The following TMEM132D variants were observed in gnomAD, a reference collection of about 807,000 sequenced individuals.
TMEM132D encodes mature OL transmembrane protein.
Under a neutral mutation model 62.3 loss-of-function variants are expected in TMEM132D, and 21 were observed. The ratio of observed to expected loss-of-function variants is 0.34; its 90% CI spans 0.24 to 0.49. The LOEUF is 0.49. Among genes scored for constraint, TMEM132D ranks in the 20% least tolerant of loss-of-function variants. The pLI is 0.99. For missense variants in TMEM132D, 1,346 were observed against 1,402.8 expected (o/e 0.96, Z 0.65); for synonymous variants, 621 against 575.6 (o/e 1.08, Z -1.13).
intron 4 of TMEM132D, among the ~76,000 whole-genome samples, chr12:129,282,050 C>T (rs1432882238): frequency 1.3e-5 from 2 of 152,122 alleles, no homozygotes; most frequent in Non-Finnish European, 2.9e-5. Flanking sequence ...CCTAAGAATA[C>T]TCCCTCCATC....
intron 4 of TMEM132D, among the ~76,000 whole-genome samples, chr12:129,324,856 C>G (rs138497742): frequency 1.2e-3 from 190 of 152,288 alleles, no homozygotes; most frequent in African/African-American, 4.0e-3. Context: ...GTGATAACTA[C>G]TTTAATTTTT....
intron 1 of TMEM132D, among the ~76,000 whole-genome samples, chr12:129,829,327 C>CCTTCCT (rs766306122): frequency 6.6e-6 from 1 of 152,124 alleles, no homozygotes; most frequent in South Asian, 2.1e-4. Flanking sequence ...AGGGACATCT[C>CCTTCCT]CTTCCTCTTC....
chr12:129,402,343 C>T (rs533339701), intron 3 of TMEM132D, among the ~76,000 whole-genome samples: 53 of 152,274 alleles, frequency 3.5e-4, no homozygotes, highest in African/African-American at 9.4e-4. Flanking sequence ...TCTCACTCGA[C>T]GGCATTTTCA....
chr12:129,474,854 T>C (rs909193121), intron 3 of TMEM132D, among the ~76,000 whole-genome samples: 1 of 152,166 alleles, frequency 6.6e-6, no homozygotes, highest in Non-Finnish European at 1.5e-5. Context: ...GACAGCATAT[T>C]CTACTTTCTA....
chr12:129,643,370 G>A (rs1472503543), intron 2 of TMEM132D, among the ~76,000 whole-genome samples: 1 of 152,142 alleles, frequency 6.6e-6, no homozygotes, highest in Non-Finnish European at 1.5e-5. Flanking sequence ...CCCACCGCCT[G>A]CTTTGACGAA....
chr12:129,195,700 T>G (rs1202265387), intron 5 of TMEM132D, among the ~76,000 whole-genome samples: 1 of 152,212 alleles, frequency 6.6e-6, no homozygotes, highest in African/African-American at 2.4e-5. Flanking sequence ...TTGAAGTGAC[T>G]CTAATTGATT....
At chr12:129,169,259 T>A (rs138019080) in intron 5 of TMEM132D, among the ~76,000 whole-genome samples, 6 of 152,188 alleles carry the variant, frequency 3.9e-5, no homozygotes, top group African/African-American at 1.4e-4. Context: ...AGAAGAACCA[T>A]TGGAGCATTC....
chr12:129,114,916 A>C (rs1375862025), intron 5 of TMEM132D, among the ~76,000 whole-genome samples: 2 of 152,008 alleles, frequency 1.3e-5, no homozygotes, highest in Non-Finnish European at 2.9e-5. Flanking sequence ...TTATTTGTTC[A>C]TTTTGCTATT....
intron 2 of TMEM132D, among the ~76,000 whole-genome samples, chr12:129,618,033 A>G (rs1878969019): frequency 6.6e-6 from 1 of 152,144 alleles, no homozygotes; most frequent in Non-Finnish European, 1.5e-5. Flanking sequence ...CCAATCCGTG[A>G]AATGAAGAAA....
chr12:129,699,718 G>A, intron 2 of TMEM132D, 92 bp downstream of exon 2: 6 of 1,494,528 alleles, frequency 4.0e-6, no homozygotes, highest in Non-Finnish European at 5.5e-6. Context: ...CTACTTCGGT[G>A]AGCGATAACA....
chr12:129,712,942 C>G (rs1421021452), intron 1 of TMEM132D, among the ~76,000 whole-genome samples: 1 of 152,118 alleles, frequency 6.6e-6, no homozygotes. Flanking sequence ...GACCTTAGTG[C>G]CATCATGGGA....
intron 2 of TMEM132D, among the ~76,000 whole-genome samples, chr12:129,582,352 G>A (rs1300224391): frequency 6.6e-6 from 1 of 152,184 alleles, no homozygotes; most frequent in Non-Finnish European, 1.5e-5. Flanking sequence ...TTACTTCGGA[G>A]TGTGGTCCTG....
intron 5 of TMEM132D, among the ~76,000 whole-genome samples, chr12:129,200,706 G>C (rs1201850674): frequency 1.3e-5 from 2 of 152,222 alleles, no homozygotes. Flanking sequence ...AAAGAGAACT[G>C]CTGGGAGCCG....
intron 1 of TMEM132D, among the ~76,000 whole-genome samples, chr12:129,734,973 A>G (rs1869379160): frequency 6.6e-6 from 1 of 152,244 alleles, no homozygotes; most frequent in South Asian, 2.1e-4. Flanking sequence ...ATTCAATGTT[A>G]CTTCCCATAG....
intron 4 of TMEM132D, among the ~76,000 whole-genome samples, chr12:129,233,886 A>G (rs1321375904): frequency 1.3e-5 from 2 of 152,192 alleles, no homozygotes; most frequent in Non-Finnish European, 2.9e-5. Flanking sequence ...AGTAAAGTAT[A>G]TATTTTTTGA....
At chr12:129,847,399 A>G (rs1376575462) in intron 1 of TMEM132D, among the ~76,000 whole-genome samples, 2 of 152,236 alleles carry the variant, frequency 1.3e-5, no homozygotes, top group Non-Finnish European at 2.9e-5. Context: ...AAACACTGGA[A>G]TCACTCTGAG....
At chr12:129,162,069 T>C (rs1306846510) in intron 5 of TMEM132D, among the ~76,000 whole-genome samples, 1 of 152,198 alleles carries the variant, frequency 6.6e-6, no homozygotes, top group African/African-American at 2.4e-5. Flanking sequence ...TGGGCTGAAC[T>C]GTGTCCCCCC....
At chr12:129,164,847 A>G (rs545308695) in intron 5 of TMEM132D, among the ~76,000 whole-genome samples, 1 of 152,352 alleles carries the variant, frequency 6.6e-6, no homozygotes, top group Non-Finnish European at 1.5e-5. Flanking sequence ...TTGGGTGGGA[A>G]CACAAAGCCT....
intron 3 of TMEM132D, among the ~76,000 whole-genome samples, chr12:129,397,426 T>C (rs1871463442): frequency 6.6e-6 from 1 of 152,162 alleles, no homozygotes; most frequent in South Asian, 2.1e-4. Flanking sequence ...ATGTTATGCA[T>C]GTAAACTTTC....
Sources: gnomAD v4.1 joint callset for allele counts (sites outside exome capture counted in the v4.1 genomes callset) on GRCh38, gnomAD v4.1.1 for gene constraint, MANE v1.5 for transcripts, NCBI Gene and HGNC (gene_info 2026-07-23, HGNC 2026-07-21) for gene names.